Variants in ABCB4 observed in about 807,000 individuals in gnomAD.
The protein encoded by ABCB4 is ATP binding cassette subfamily B member 4.
Under a neutral mutation model 145.7 loss-of-function variants are expected in ABCB4, and 76 were observed. The ratio of observed to expected loss-of-function variants is 0.52; its 90% CI spans 0.43 to 0.63. The LOEUF is 0.63. ABCB4 is among the 30% of genes least tolerant of loss of function. ABCB4 has a pLI of 0.00. For missense variants in ABCB4, 1,234 were observed against 1,553.1 expected (o/e 0.79, Z 3.45); for synonymous variants, 517 against 566.8 (o/e 0.91, Z 1.25).
the ABCB4 span, among the ~76,000 whole-genome samples, chr7:87,383,728 C>G: frequency 6.6e-6 from 1 of 152,080 alleles, no homozygotes; most frequent in Non-Finnish European, 1.5e-5. Context: ...AACTCCTGAG[C>G]TCAGGTGATC....
At chr7:87,456,281 C>T (rs774539917) in intron 4 of ABCB4, among the ~76,000 whole-genome samples, 4 of 152,134 alleles carry the variant, frequency 2.6e-5, no homozygotes, top group Non-Finnish European at 5.9e-5. Context: ...AATAAGGATA[C>T]TGATATGGTT....
At chr7:87,426,681 G>T in intron 16 of ABCB4, 69 bp downstream of exon 16, 1 of 1,506,424 alleles carries the variant, frequency 6.6e-7, no homozygotes, top group Non-Finnish European at 9.2e-7. Context: ...TATTTGCAAG[G>T]CTAAGAATTT....
chr7:87,472,228 G>A (rs1047787533), intron 3 of ABCB4, among the ~76,000 whole-genome samples: 1 of 151,968 alleles, frequency 6.6e-6, no homozygotes, highest in African/African-American at 2.4e-5. Context: ...TTTTGTTGTC[G>A]TTGTTTTTGA....
chr7:87,442,616 G>T (rs1403387219), intron 12 of ABCB4, among the ~76,000 whole-genome samples: 3 of 151,100 alleles, frequency 2.0e-5, no homozygotes, highest in South Asian at 4.2e-4. Context: ...GAAGTATAAG[G>T]GTATACATAA....
the ABCB4 span, among the ~76,000 whole-genome samples, chr7:87,366,330 C>T: frequency 3.3e-5 from 5 of 151,702 alleles, no homozygotes; most frequent in Non-Finnish European, 5.9e-5. Context: ...GTTTTCCCTT[C>T]GTCCTTAACA....
chr7:87,463,462 C>G (rs1382021432), intron 3 of ABCB4, among the ~76,000 whole-genome samples: 1 of 152,182 alleles, frequency 6.6e-6, no homozygotes, highest in African/African-American at 2.4e-5. Context: ...GAAGTCTTGC[C>G]TATGGAGATC....
chr7:87,437,627 A>C (rs1810698002), intron 14 of ABCB4, among the ~76,000 whole-genome samples: 1 of 152,222 alleles, frequency 6.6e-6, no homozygotes, highest in African/African-American at 2.4e-5. Context: ...CTTTACATGC[A>C]GTATCTTGGT....
chr7:87,393,203 C>T, the ABCB4 span: 1 of 989,594 alleles, frequency 1.0e-6, no homozygotes. Flanking sequence ...TTTTTTTCCA[C>T]TTAGGCATTT....
At chr7:87,411,708 T>C (rs1475039506) in intron 23 of ABCB4, among the ~76,000 whole-genome samples, 185 bp downstream of exon 23, 2 of 152,136 alleles carry the variant, frequency 1.3e-5, no homozygotes, top group African/African-American at 4.8e-5. Flanking sequence ...GCCCGCAAAA[T>C]GAAACTGCAC....
At chr7:87,401,089 C>T (rs1408915211), downstream of ABCB4, among the ~76,000 whole-genome samples, 7 of 152,198 alleles carry the variant, frequency 4.6e-5, no homozygotes, top group African/African-American at 1.2e-4. Flanking sequence ...TACTTTGGGT[C>T]ACTGCAGTAA....
chr7:87,450,950 C>T (rs1053541947), intron 7 of ABCB4, among the ~76,000 whole-genome samples: 1 of 152,124 alleles, frequency 6.6e-6, no homozygotes, highest in Non-Finnish European at 1.5e-5. Context: ...AAGTAGAATA[C>T]ATTTTGTGTA....
chr7:87,420,699 C>T (rs546067811), intron 18 of ABCB4, among the ~76,000 whole-genome samples: 21 of 152,090 alleles, frequency 1.4e-4, no homozygotes, highest in Admixed American at 2.0e-4. Context: ...GGACCAAATA[C>T]GAATTCAAAG....
the ABCB4 span, among the ~76,000 whole-genome samples, chr7:87,388,584 T>G: frequency 3.5e-3 from 534 of 152,302 alleles, 4 homozygotes; most frequent in African/African-American, 0.012. Flanking sequence ...TGCAGAAAAC[T>G]GAAACTGGAC....
chr7:87,378,741 G>T, the ABCB4 span, among the ~76,000 whole-genome samples: 1 of 152,308 alleles, frequency 6.6e-6, no homozygotes, highest in South Asian at 2.1e-4. Flanking sequence ...GGAATCAGGT[G>T]CTTGGATGAG....
the ABCB4 span, among the ~76,000 whole-genome samples, chr7:87,367,903 A>G: frequency 6.6e-6 from 1 of 152,138 alleles, no homozygotes; most frequent in African/African-American, 2.4e-5. Context: ...AACTTGGCAT[A>G]CCTTCTCTTC....
intron 1 of ABCB4, 30 bp from the exon 2 acceptor site, chr7:87,475,501 G>C (rs771909568): frequency 1.9e-6 from 3 of 1,611,850 alleles, no homozygotes; most frequent in Middle Eastern, 1.7e-4. Context: ...TCAGAACCAA[G>C]TACACCCTCT....
At chr7:87,467,329 C>A (rs951449633) in intron 3 of ABCB4, among the ~76,000 whole-genome samples, 8 of 152,188 alleles carry the variant, frequency 5.3e-5, no homozygotes, top group African/African-American at 1.9e-4. Context: ...GTAAACGGAT[C>A]AATTCAACAA....
intron 3 of ABCB4, among the ~76,000 whole-genome samples, chr7:87,466,976 A>G (rs1194740203): frequency 6.6e-6 from 1 of 152,240 alleles, no homozygotes; most frequent in Non-Finnish European, 1.5e-5. Context: ...CAAGGCTAGG[A>G]AGAAACTGCA....
intron 20 of ABCB4, among the ~76,000 whole-genome samples, chr7:87,418,074 C>G (rs1584696149): frequency 6.6e-6 from 1 of 152,192 alleles, no homozygotes; most frequent in Non-Finnish European, 1.5e-5. Flanking sequence ...GCAAAGTAAC[C>G]CACCTCAGCT....
Sources: gnomAD v4.1 joint callset for allele counts (sites outside exome capture counted in the v4.1 genomes callset) on GRCh38, gnomAD v4.1.1 for gene constraint, MANE v1.5 for transcripts, NCBI Gene and HGNC (gene_info 2026-07-23, HGNC 2026-07-21) for gene names.